The following TYRO3 variants were observed in gnomAD, a reference collection of about 807,000 sequenced individuals.
TYRO3 encodes the protein tyrosine-protein kinase receptor TYRO3.
Under a neutral mutation model 95.2 loss-of-function variants are expected in TYRO3, and 38 were observed. The observed-to-expected ratio is 0.40, with a 90% CI of 0.31 to 0.52. The LOEUF (loss-of-function observed/expected upper bound fraction) is 0.52. TYRO3 is among the 20% of genes least tolerant of loss of function. The probability of loss-of-function intolerance (pLI) is 0.56; values close to 1 mark genes in which losing one functional copy is unlikely to be tolerated. For missense variants in TYRO3, 812 were observed against 1,116.4 expected (o/e 0.73, Z 3.89); for synonymous variants, 367 against 432.9 (o/e 0.85, Z 1.89).
At position 41,559,396 on chromosome 15, in the gene TYRO3, G is replaced by A. The variant is rs1292847940; in HGVS notation, c.124+15G>A. 2 of 230,780 alleles carry A rather than the reference G, an allele frequency of 8.7e-6. No individual in the cohort carries two copies. The highest frequency in any genetic ancestry group is 8.9e-6 in the Non-Finnish European group (1 of 112,306). 14.3% of individuals were successfully genotyped at this position (230,780 alleles called of 1,614,324 possible). Reference sequence around the variant, plus strand: ...CGCCGCCGCAGGTAGGGGCTGGCACGGGAGGCGGCGGGAAGCGGGGGGCTG... The same window carrying A: ...CGCCGCCGCAGGTAGGGGCTGGCACAGGAGGCGGCGGGAAGCGGGGGGCTG... On this transcript the variant is annotated intron_variant, in intron 1 of 18. Coordinates refer to ENST00000263798, the MANE Select transcript of TYRO3 (RefSeq NM_006293.4).
At chr15:41,564,318 C>T in intron 5 of TYRO3, 48 bp downstream of exon 5, 1 of 1,558,814 alleles carries the variant, frequency 6.4e-7, no homozygotes. Context: ...AGGGGCATTC[C>T]CAGCGAGCTG....
At position 41,568,908 on chromosome 15, in the gene TYRO3, A is replaced by T. The variant is rs1418927487; in HGVS notation, c.1138A>T (p.Asn380Tyr). ...GCTGACAGTGGAGGGGACCAGGGCC[A>T]ATTTGACAGGCTGGGATCCCCAAAA... Reference protein sequence around the residue: ...DELTVEGTRANLTGWDPQKDL... With the variant: ...DELTVEGTRAYLTGWDPQKDL... Residue 380 changes from asparagine (N) to tyrosine (Y), a missense_variant, in exon 9 of 19, where the codon AAT becomes TAT. Asn to Tyr is a moderately radical substitution (Grantham distance 143). Coordinates refer to ENST00000263798, the MANE Select transcript of TYRO3 (RefSeq NM_006293.4). The T allele has an allele frequency of 2.5e-6, 4 of 1,612,556 alleles. No homozygotes were observed. The highest frequency in any genetic ancestry group is 3.4e-6 in the Non-Finnish European group (4 of 1,179,988).
intron 2 of TYRO3, 70 bp downstream of exon 2, chr15:41,561,380 G>A (rs563462998): frequency 6.3e-7 from 1 of 1,585,872 alleles, no homozygotes; most frequent in Non-Finnish European, 8.6e-7. Flanking sequence ...TTGGGGATTG[G>A]GAGCTGGGGC....
chr15:41,569,933 G>C, intron 9 of TYRO3, 94 bp from the exon 10 acceptor site: 3 of 1,490,684 alleles, frequency 2.0e-6, no homozygotes, highest in Non-Finnish European at 1.8e-6. Flanking sequence ...ACCTAGAGGA[G>C]CCCCTTGAAC....
Position 41,562,735 on chromosome 15 carries a change from G to C in TYRO3, c.580+17G>C, listed in dbSNP as rs776769130. On this transcript the variant is annotated intron_variant, in intron 4 of 18. Transcript: ENST00000263798. ...ATGTAACAGGTGAGCAGCCTCAGAA[G>C]GGGGCTGGGAGTGGAGAAGGAGCTG... 2 of 1,581,194 alleles carry C rather than the reference G, an allele frequency of 1.3e-6. No homozygotes were observed. The highest frequency in any genetic ancestry group is 1.1e-5 in the South Asian group (1 of 88,062).
chr15:41,559,775 G>A (rs2052140118), intron 1 of TYRO3, among the ~76,000 whole-genome samples: 1 of 152,240 alleles, frequency 6.6e-6, no homozygotes, highest in Non-Finnish European at 1.5e-5. Context: ...ACGGGCCGGG[G>A]CTGGGCACCC....
intron 14 of TYRO3, among the ~76,000 whole-genome samples, chr15:41,571,996 TA>T (rs111436611): frequency 1.1e-3 from 161 of 143,458 alleles, no homozygotes; most frequent in African/African-American, 3.4e-3. Flanking sequence ...CACCTCTATT[TA>T]AAAAAAAAAA....
rs1391906779 is a variant in TYRO3, at chr15:41,561,220, A to G, written c.218A>G (p.Asp73Gly). Reference sequence around the variant, plus strand: ...AGTGTGGAGGGGATGGAGGAGCCTGACATCCAGTGGGTGAAGGATGGGGCT... The same window carrying G: ...AGTGTGGAGGGGATGGAGGAGCCTGGCATCCAGTGGGTGAAGGATGGGGCT... ...NCSVEGMEEP[D>G]IQWVKDGAVV... Residue 73 changes from aspartate (D) to glycine (G), a missense_variant, in exon 2 of 19, where the codon GAC (aspartate) becomes GGC (glycine). Transcript: ENST00000263798. 2 of 1,614,246 alleles carry G rather than the reference A, an allele frequency of 1.2e-6. No individual in the cohort carries two copies. Among genetic ancestry groups the G allele is most frequent in the South Asian group, 2.2e-5 (2 of 91,088 alleles).
intron 18 of TYRO3, among the ~76,000 whole-genome samples, chr15:41,575,856 C>A (rs576029650): frequency 2.0e-5 from 3 of 152,004 alleles, no homozygotes; most frequent in Admixed American, 1.3e-4. Context: ...GGCTCACGCC[C>A]GTAATCCCAG....
chr15:41,559,511 A>G (rs113721358), intron 1 of TYRO3, 130 bp downstream of exon 1: 184,081 of 247,828 alleles, frequency 0.74, 70,036 homozygotes, highest in East Asian at 0.98. Flanking sequence ...CGAGGCTCGG[A>G]GCCGGGACAG....
At position 41,572,475 on chromosome 15, in the gene TYRO3, CTCCCCA is replaced by C. The variant is rs2055808924; in HGVS notation, c.1794_1799del (p.Ile598_Pro599del). ...CCTCCGGAGCAGGGCTAAAGGCCGT[CTCCCCA>C]TCCCCATGGTCATCTTGCCCTTCAT... On this transcript the variant is annotated inframe_deletion, in exon 15 of 19. Transcript: ENST00000263798. 1.2e-6 allele frequency: 2 copies of C among 1,614,124 alleles called. No homozygotes were observed. The highest frequency in any genetic ancestry group is 1.7e-5 in the Admixed American group (1 of 60,010).
At chr15:41,577,812 G>A in intron 18 of TYRO3, 74 bp from the exon 19 acceptor site, 4 of 1,486,752 alleles carry the variant, frequency 2.7e-6, no homozygotes, top group South Asian at 2.6e-5. Context: ...TAAAACCCTA[G>A]TGCCATATGA....
chr15:41,561,106 A>G (rs1475055839), intron 1 of TYRO3, 21 bp from the exon 2 acceptor site: 7 of 1,038,922 alleles, frequency 6.7e-6, no homozygotes, highest in African/African-American at 1.6e-5. Context: ...AGGCTGACAC[A>G]TGTTCCTTCC....
intron 9 of TYRO3, 144 bp from the exon 10 acceptor site, chr15:41,569,883 G>C (rs2055772288): frequency 1.9e-6 from 2 of 1,037,476 alleles, no homozygotes; most frequent in East Asian, 2.6e-5. Context: ...AGGACTCTTA[G>C]GCATTCCTCT....
intron 2 of TYRO3, 66 bp from the exon 3 acceptor site, chr15:41,561,473 T>C (rs921942784): frequency 2.0e-6 from 3 of 1,527,082 alleles, no homozygotes; most frequent in Admixed American, 2.0e-5. Context: ...GCTGAACTCA[T>C]CAAGTTTGCC....
Position 41,562,679 on chromosome 15 carries a change from G to C in TYRO3, c.541G>C (p.Gly181Arg). The C allele has an allele frequency of 6.2e-7, 1 of 1,614,026 alleles. No homozygotes were observed. The highest frequency in any genetic ancestry group is 8.5e-7 in the Non-Finnish European group (1 of 1,179,996). ...IVWWRGTTKI[G>R]GPAPSPSVLN... ...CTGGTGGAGAGGAACTACGAAGATCGGGGGACCCGCTCCCTCTCCATCTGT... is the reference window on the plus strand; with the variant it reads ...CTGGTGGAGAGGAACTACGAAGATCCGGGGACCCGCTCCCTCTCCATCTGT... The change falls in exon 4 of 19, where the codon GGG (glycine) becomes CGG (arginine). Residue 181 changes from glycine to arginine, a missense_variant. Transcript: ENST00000263798.
chr15:41,573,191 G>T (rs2055820086), intron 16 of TYRO3, 80 bp downstream of exon 16: 4 of 1,583,732 alleles, frequency 2.5e-6, no homozygotes, highest in East Asian at 2.2e-5. Context: ...CTCCTGCCTG[G>T]GACAGTATCT....
rs2055886591 is a variant in TYRO3, at chr15:41,578,293, A to G, written c.*17A>G. Reference sequence around the variant, plus strand: ...AGCTGTTAGCCCACAGGCAGAGGGCATCGGGGCCATTTGGCCGGCTCTGGT... The same window carrying G: ...AGCTGTTAGCCCACAGGCAGAGGGCGTCGGGGCCATTTGGCCGGCTCTGGT... On this transcript the variant is annotated 3_prime_UTR_variant, in exon 19 of 19. Coordinates refer to ENST00000263798, the MANE Select transcript of TYRO3 (RefSeq NM_006293.4). 2 of 1,612,818 alleles carry G rather than the reference A, an allele frequency of 1.2e-6. No individual in the cohort carries two copies. The highest frequency in any genetic ancestry group is 2.7e-5 in the African/African-American group (2 of 74,930).
Position 41,572,487 on chromosome 15 carries a change from A to T in TYRO3, c.1798A>T (p.Met600Leu). 3 of 1,614,160 alleles carry T rather than the reference A, an allele frequency of 1.9e-6. No individual in the cohort carries two copies. Among genetic ancestry groups the T allele is most frequent in the Non-Finnish European group, 2.5e-6 (3 of 1,180,030 alleles). The change falls in exon 15 of 19, where the codon ATG becomes TTG. Residue 600 changes from methionine (M) to leucine (L), a missense_variant. By Grantham distance (15) the Met-to-Leu change is conservative. Coordinates refer to ENST00000263798, the MANE Select transcript of TYRO3 (RefSeq NM_006293.4). ...GGCTAAAGGCCGTCTCCCCATCCCC[A>T]TGGTCATCTTGCCCTTCATGAAGCA... ...SRAKGRLPIP[M>L]VILPFMKHGD...
Sources: allele counts gnomAD v4.1 joint callset (sites outside exome capture counted in the v4.1 genomes callset), GRCh38; gene constraint gnomAD v4.1.1; transcripts MANE v1.5; gene names NCBI Gene and HGNC (gene_info 2026-07-23, HGNC 2026-07-21).